The following MFHAS1 variants were observed in gnomAD, a reference collection of about 807,000 sequenced individuals.
MFHAS1 encodes the protein multifunctional ROCO family signaling regulator 1.
MFHAS1 carries 50 observed loss-of-function variants against 70.4 expected under a neutral mutation model. That is an observed-to-expected ratio of 0.71 (90% CI 0.57 to 0.90). The LOEUF (loss-of-function observed/expected upper bound fraction) is 0.90, where lower values mean the gene tolerates loss of function less well. MFHAS1 is among the 40% of genes least tolerant of loss of function. The pLI, the probability that MFHAS1 is intolerant of heterozygous loss-of-function variation, is 0.00. For missense variants in MFHAS1, 1,795 were observed against 1,347.6 expected, an observed-to-expected ratio of 1.33 and a Z score of -5.20; for synonymous variants, 952 against 620.0, an observed-to-expected ratio of 1.54 and a Z score of -7.96.
At chr8:8,834,404 A>G (rs1807523248) in intron 1 of MFHAS1, among the ~76,000 whole-genome samples, 1 of 152,222 alleles carries the variant, frequency 6.6e-6, no homozygotes, top group African/African-American at 2.4e-5. Flanking sequence ...TGACTCACCC[A>G]GAGACACTTC....
intron 1 of MFHAS1, among the ~76,000 whole-genome samples, chr8:8,837,030 G>T (rs1169409683): frequency 1.3e-5 from 2 of 152,160 alleles, no homozygotes; most frequent in East Asian, 3.8e-4. Context: ...AAGCTGAACT[G>T]GATTGGGACG....
At chr8:8,885,735 G>C (rs1241037651) in intron 1 of MFHAS1, among the ~76,000 whole-genome samples, 2 of 152,188 alleles carry the variant, frequency 1.3e-5, no homozygotes, top group Non-Finnish European at 2.9e-5. Context: ...TCGGAGCCAG[G>C]GTCTTGCCCT....
chr8:8,885,078 A>T (rs529506884), intron 1 of MFHAS1, among the ~76,000 whole-genome samples: 1 of 152,326 alleles, frequency 6.6e-6, no homozygotes, highest in East Asian at 1.9e-4. Flanking sequence ...GCAAGTGAAC[A>T]ACCTAATCAA....
intron 1 of MFHAS1, among the ~76,000 whole-genome samples, chr8:8,833,181 T>G (rs1807471901): frequency 6.6e-6 from 1 of 152,120 alleles, no homozygotes; most frequent in African/African-American, 2.4e-5. Flanking sequence ...GCTACACCAT[T>G]AGAGACCACC....
chr8:8,843,271 G>A lies in MFHAS1; in HGVS notation c.2999-45780C>T, dbSNP rs535707740. Among the ~76,000 whole-genome samples the A allele has an allele frequency of 7.5e-3, 664 of 88,522 alleles. 6 individuals carry two copies. The highest frequency in any genetic ancestry group is 0.043 in the African/African-American group (618 of 14,294). 58.1% of individuals were successfully genotyped at this position (88,522 alleles called of 152,430 possible). ...CGCCTGGGCGACAGAGCGAGACTCC[G>A]TCTCAAAAAAAAAAAAAGAAAGCGA... On this transcript the variant is annotated intron_variant, in intron 1 of 2. Transcript: ENST00000276282.
intron 1 of MFHAS1, among the ~76,000 whole-genome samples, chr8:8,876,619 C>G (rs1809305121): frequency 6.6e-6 from 1 of 151,924 alleles, no homozygotes; most frequent in Non-Finnish European, 1.5e-5. Context: ...CATCGTGATC[C>G]TCCCGCCTCG....
chr8:8,799,625 G>C (rs768772504), intron 1 of MFHAS1, among the ~76,000 whole-genome samples: 4 of 152,116 alleles, frequency 2.6e-5, no homozygotes, highest in African/African-American at 4.8e-5. Context: ...GCATGTTGGC[G>C]GGCACCTGTA....
intron 1 of MFHAS1, among the ~76,000 whole-genome samples, chr8:8,878,113 T>TA (rs1329018633): frequency 2.6e-5 from 4 of 152,128 alleles, no homozygotes; most frequent in Admixed American, 2.6e-4. Context: ...CTCCCCACCT[T>TA]ACCTCCACCT....
intron 1 of MFHAS1, 145 bp downstream of exon 1, chr8:8,889,916 C>G (rs1168060107): frequency 1.5e-6 from 1 of 667,430 alleles, no homozygotes; most frequent in Non-Finnish European, 2.5e-6. Flanking sequence ...TTTTGCTCAT[C>G]TCCAAATCTC....
At chr8:8,851,268 T>C (rs1808239499) in intron 1 of MFHAS1, among the ~76,000 whole-genome samples, 1 of 152,222 alleles carries the variant, frequency 6.6e-6, no homozygotes, top group African/African-American at 2.4e-5. Context: ...TATTTTGTGG[T>C]TGATCCCAAA....
At chr8:8,807,401 C>T (rs931817159) in intron 1 of MFHAS1, among the ~76,000 whole-genome samples, 1 of 152,118 alleles carries the variant, frequency 6.6e-6, no homozygotes, top group Non-Finnish European at 1.5e-5. Flanking sequence ...TTCATTCTCC[C>T]TAATCCTCAC....
At chr8:8,855,396 G>A (rs1264497003) in intron 1 of MFHAS1, among the ~76,000 whole-genome samples, 1 of 152,244 alleles carries the variant, frequency 6.6e-6, no homozygotes, top group Admixed American at 6.5e-5. Context: ...ATGGAGGATT[G>A]GAGGCGCTTT....
intron 1 of MFHAS1, among the ~76,000 whole-genome samples, chr8:8,811,190 C>A (rs533799823): frequency 7.2e-5 from 11 of 152,188 alleles, no homozygotes; most frequent in Non-Finnish European, 1.3e-4. Context: ...GGACTTGAGG[C>A]CATTTGAAAC....
rs1810170641 is a variant in MFHAS1 at position 8,893,243 on chromosome 8, G to C, written c.-185C>G. On this transcript the variant is annotated 5_prime_UTR_variant, in exon 1 of 3. Coordinates refer to ENST00000276282, the MANE Select transcript of MFHAS1 (RefSeq NM_004225.3). ...CTAGGGGGCGGCGGCGACGCGAGCG[G>C]CTCCGGGGGACGCCGAGCGCGTGGA... The C allele has an allele frequency of 5.9e-6, 1 of 168,478 alleles. No homozygotes were observed. The highest frequency in any genetic ancestry group is 1.2e-5 in the Non-Finnish European group (1 of 82,178). The allele number at this position is 168,478 out of a possible 1,614,324, so 10.4% of individuals were successfully genotyped here.
intron 1 of MFHAS1, among the ~76,000 whole-genome samples, chr8:8,800,313 G>C (rs955939332): frequency 6.6e-6 from 1 of 152,186 alleles, no homozygotes; most frequent in African/African-American, 2.4e-5. Flanking sequence ...TATCAAAAAT[G>C]CACTTCAAAC....
intron 1 of MFHAS1, among the ~76,000 whole-genome samples, chr8:8,885,431 G>C (rs1190183971): frequency 6.6e-6 from 1 of 152,142 alleles, no homozygotes; most frequent in Admixed American, 6.6e-5. Context: ...TGCTTAAAAG[G>C]AATATCAAAG....
intron 1 of MFHAS1, among the ~76,000 whole-genome samples, chr8:8,829,839 G>T (rs912314345): frequency 1.3e-5 from 2 of 152,184 alleles, no homozygotes; most frequent in Admixed American, 6.5e-5. Flanking sequence ...GACTTGAACA[G>T]AACTGTCCAC....
intron 1 of MFHAS1, among the ~76,000 whole-genome samples, chr8:8,798,213 T>A (rs1280558275): frequency 6.6e-6 from 1 of 152,196 alleles, no homozygotes; most frequent in Non-Finnish European, 1.5e-5. Context: ...CATTCTCTCA[T>A]CCATATACCC....
At chr8:8,877,028 A>G (rs908948016) in intron 1 of MFHAS1, among the ~76,000 whole-genome samples, 1 of 152,036 alleles carries the variant, frequency 6.6e-6, no homozygotes, top group Non-Finnish European at 1.5e-5. Context: ...GGCTGGGCGC[A>G]GTGGCACACA....
Sources: gnomAD v4.1 joint callset for allele counts (sites outside exome capture counted in the v4.1 genomes callset) on GRCh38, gnomAD v4.1.1 for gene constraint, MANE v1.5 for transcripts, NCBI Gene and HGNC (gene_info 2026-07-23, HGNC 2026-07-21) for gene names.